OR3A2: variants seen among roughly 807,000 people sequenced by gnomAD.
OR3A2 encodes olfactory receptor family 3 subfamily A member 2.
For synonymous variants in OR3A2, 126 were observed against 159.3 expected (o/e 0.79, Z 1.57); for missense variants, 318 against 392.8 (o/e 0.81, Z 1.61).
chr17:3,380,915 G>A (rs576866542), intron 2 of OR3A2, among the ~76,000 whole-genome samples: 10 of 152,332 alleles, frequency 6.6e-5, no homozygotes, highest in Middle Eastern at 3.4e-3. Context: ...GGATGTTTGC[G>A]TGTAAGATTC....
At chr17:3,304,906 A>G (rs2150628017) in intron 3 of OR3A2, among the ~76,000 whole-genome samples, 1 of 152,380 alleles carries the variant, frequency 6.6e-6, no homozygotes, top group South Asian at 2.1e-4. Flanking sequence ...ACATAAAGGC[A>G]TATGCACTGT....
chr17:3,385,636 CA>C (rs1176765300), intron 1 of OR3A2, among the ~76,000 whole-genome samples: 1 of 152,138 alleles, frequency 6.6e-6, no homozygotes, highest in African/African-American at 2.4e-5. Flanking sequence ...AGAAAGGTCT[CA>C]ACACCTTTGT....
intron 2 of OR3A2, among the ~76,000 whole-genome samples, chr17:3,360,964 G>T (rs1272287588): frequency 1.3e-5 from 2 of 151,530 alleles, no homozygotes; most frequent in African/African-American, 4.9e-5. Context: ...GAAAGTCATT[G>T]GTAGCTTGAT....
At chr17:3,385,514 T>C (rs1410410361) in intron 1 of OR3A2, among the ~76,000 whole-genome samples, 3 of 152,146 alleles carry the variant, frequency 2.0e-5, no homozygotes, top group South Asian at 2.1e-4. Context: ...TGAGTGCTTA[T>C]TATATGCCAG....
At chr17:3,385,370 T>C (rs2049768908) in intron 1 of OR3A2, among the ~76,000 whole-genome samples, 1 of 152,052 alleles carries the variant, frequency 6.6e-6, no homozygotes, top group African/African-American at 2.4e-5. Context: ...GATGATTAAG[T>C]AAATAGATGT....
At chr17:3,317,913 T>C (rs547613713) in intron 3 of OR3A2, among the ~76,000 whole-genome samples, 2 of 152,204 alleles carry the variant, frequency 1.3e-5, no homozygotes, top group African/African-American at 4.8e-5. Flanking sequence ...AATTCAGGCC[T>C]GTAGAAGCCA....
intron 2 of OR3A2, among the ~76,000 whole-genome samples, chr17:3,345,408 A>G (rs1181797901): frequency 7.3e-6 from 1 of 136,788 alleles, no homozygotes; most frequent in South Asian, 2.7e-4. Flanking sequence ...CAAAAACAAG[A>G]GAAAAAAAGG....
chr17:3,338,449 T>A (rs927590183), intron 2 of OR3A2, among the ~76,000 whole-genome samples: 6 of 152,178 alleles, frequency 3.9e-5, no homozygotes, highest in African/African-American at 1.4e-4. Context: ...AATTTTTGTA[T>A]AAAGTGTAAG....
chr17:3,292,311 C>T lies in OR3A2; in HGVS notation c.-84-13158G>A, dbSNP rs372689671. On this transcript the variant is annotated intron_variant, in intron 3 of 4. Transcript: ENST00000573491. ...GGCCCCACAGGGAACTGCACGCTTG[C>T]GGGACAGGAGACGACTCAACATTGA... is the stretch of plus-strand genomic sequence containing the variant. The T allele has an allele frequency of 5.3e-5, 85 of 1,613,984 alleles. 2 individuals are homozygous for T. The highest frequency in any genetic ancestry group is 2.4e-4 in the South Asian group (22 of 91,082).
chr17:3,313,482 C>G (rs1038615463), intron 3 of OR3A2, among the ~76,000 whole-genome samples: 1 of 152,218 alleles, frequency 6.6e-6, no homozygotes, highest in African/African-American at 2.4e-5. Flanking sequence ...TCTACACTGC[C>G]CCATTAATCC....
chr17:3,328,965 T>C (rs1265087728), intron 3 of OR3A2, among the ~76,000 whole-genome samples: 1 of 151,622 alleles, frequency 6.6e-6, no homozygotes, highest in Admixed American at 6.6e-5. Context: ...TCTATTGAGA[T>C]AATCATGTGG....
At chr17:3,352,251 A>G (rs1453189142) in intron 2 of OR3A2, among the ~76,000 whole-genome samples, 2 of 146,318 alleles carry the variant, frequency 1.4e-5, no homozygotes, top group African/African-American at 5.3e-5. Flanking sequence ...GAAGCTTTTT[A>G]ACTTGATGTG....
intron 2 of OR3A2, among the ~76,000 whole-genome samples, chr17:3,361,592 C>T (rs1482681917): frequency 6.6e-6 from 1 of 151,684 alleles, no homozygotes; most frequent in African/African-American, 2.4e-5. Flanking sequence ...TACGTCCCAT[C>T]AATACCTAAT....
intron 2 of OR3A2, among the ~76,000 whole-genome samples, chr17:3,379,539 T>C (rs141695201): frequency 3.9e-5 from 6 of 152,246 alleles, no homozygotes; most frequent in Non-Finnish European, 8.8e-5. Flanking sequence ...ATTCCAGCCC[T>C]TCCTCTCCTC....
At chr17:3,374,239 C>T (rs922955003) in intron 2 of OR3A2, among the ~76,000 whole-genome samples, 3 of 152,158 alleles carry the variant, frequency 2.0e-5, no homozygotes, top group Non-Finnish European at 4.4e-5. Flanking sequence ...TTTGTTCCTT[C>T]ACCTTAACTT....
intron 2 of OR3A2, among the ~76,000 whole-genome samples, chr17:3,361,584 C>A (rs230471): frequency 0.41 from 62,419 of 151,252 alleles, 13,548 homozygotes; most frequent in Admixed American, 0.52. Context: ...TTTTGAGATA[C>A]GTCCCATCAA....
At chr17:3,343,204 T>G (rs1430412098) in intron 2 of OR3A2, among the ~76,000 whole-genome samples, 1 of 152,152 alleles carries the variant, frequency 6.6e-6, no homozygotes, top group Non-Finnish European at 1.5e-5. Context: ...CCTGACCCCT[T>G]GCACTTCCCA....
At chr17:3,334,298 G>T (rs1485573021) in intron 3 of OR3A2, among the ~76,000 whole-genome samples, 2 of 152,038 alleles carry the variant, frequency 1.3e-5, no homozygotes, top group Non-Finnish European at 2.9e-5. Context: ...TTCATCCCCT[G>T]CCTTCCACCT....
chr17:3,278,410 T>A (rs770001810), exon 2 of OR3A2: 3 of 1,614,018 alleles, frequency 1.9e-6, no homozygotes, highest in Non-Finnish European at 2.5e-6. Flanking sequence ...CCACAGAAGT[T>A]GAGCGTGGAC....
Sources: allele counts gnomAD v4.1 joint callset (sites outside exome capture counted in the v4.1 genomes callset), GRCh38; gene constraint gnomAD v4.1.1; transcripts MANE v1.5; gene names NCBI Gene and HGNC (gene_info 2026-07-23, HGNC 2026-07-21).